The following STK4 variants were observed in gnomAD, a reference collection of about 807,000 sequenced individuals.
STK4 encodes the protein serine/threonine kinase 4.
STK4 carries 30 observed loss-of-function variants against 64.9 expected under a neutral mutation model. That is an observed-to-expected ratio of 0.46 (90% CI 0.35 to 0.63). The LOEUF is 0.63. STK4 is among the 20% of genes least tolerant of loss of function. The probability of loss-of-function intolerance (pLI) is 0.01; values close to 1 mark genes in which losing one functional copy is unlikely to be tolerated. For missense variants in STK4, 466 were observed against 598.5 expected (o/e 0.78, Z 2.31); for synonymous variants, 177 against 199.0 (o/e 0.89, Z 0.93).
rs142205847 is a variant in STK4, at chr20:45,032,348, G to A, written c.1305+7218G>A. Among the ~76,000 whole-genome samples, 461 of 152,218 alleles carry A rather than the reference G, an allele frequency of 3.0e-3. 2 individuals are homozygous for A. The highest frequency in any genetic ancestry group is 0.011 in the African/African-American group (439 of 41,510). On this transcript the variant is annotated intron_variant, in intron 10 of 10. Transcript: ENST00000372806. ...GTGAATTGTGTGTCATGGGGGTTTG[G>A]TGTACAGATTATTTCATCACACAGG...
At chr20:45,061,017 A>G (rs376377656) in intron 10 of STK4, among the ~76,000 whole-genome samples, 1 of 152,318 alleles carries the variant, frequency 6.6e-6, no homozygotes, top group East Asian at 1.9e-4. Flanking sequence ...GGGGATAGGA[A>G]AGTTTCTGAT....
intron 10 of STK4, among the ~76,000 whole-genome samples, chr20:45,074,561 A>T (rs1352224223): frequency 6.6e-6 from 1 of 152,108 alleles, no homozygotes; most frequent in African/African-American, 2.4e-5. Context: ...CCTCATCAGC[A>T]TCGATCCTCC....
intron 9 of STK4, among the ~76,000 whole-genome samples, chr20:45,003,110 C>T (rs1179406756): frequency 6.6e-6 from 1 of 152,092 alleles, no homozygotes; most frequent in Non-Finnish European, 1.5e-5. Flanking sequence ...TGGGCTCAAA[C>T]TATCCTCCCA....
intron 10 of STK4, among the ~76,000 whole-genome samples, chr20:45,061,236 T>C (rs1270230146): frequency 1.3e-5 from 2 of 152,224 alleles, no homozygotes; most frequent in Admixed American, 1.3e-4. Flanking sequence ...TGCAAAATAC[T>C]ACTTTAAGAA....
At chr20:44,994,372 T>C (rs1299284545) in intron 5 of STK4, among the ~76,000 whole-genome samples, 1 of 151,844 alleles carries the variant, frequency 6.6e-6, no homozygotes, top group African/African-American at 2.4e-5. Context: ...ATCATCATTA[T>C]TATATATATT....
chr20:45,024,438 C>T (rs1199289438), intron 9 of STK4, among the ~76,000 whole-genome samples: 1 of 151,752 alleles, frequency 6.6e-6, no homozygotes, highest in Non-Finnish European at 1.5e-5. Flanking sequence ...CCTAATATTT[C>T]ATAGAGTGGA....
chr20:44,977,794 C>T (rs1476158985), intron 2 of STK4, among the ~76,000 whole-genome samples: 2 of 151,914 alleles, frequency 1.3e-5, no homozygotes, highest in African/African-American at 4.8e-5. Context: ...CTGTGTTTAC[C>T]TGATACTAAT....
rs1331744364 is a variant in STK4, at chr20:45,078,050, C to G, written c.*2874C>G. 1 of 152,140 alleles carries G rather than the reference C, an allele frequency of 6.6e-6. No homozygotes were observed. The highest frequency in any genetic ancestry group is 1.5e-5 in the Non-Finnish European group (1 of 68,038). The allele number at this position is 152,140 out of a possible 1,614,324, so 9.4% of individuals were successfully genotyped here. A position where few individuals can be genotyped will look rare whatever the true frequency, so the allele number is the denominator to read the frequency against. On this transcript the variant is annotated 3_prime_UTR_variant, in exon 11 of 11. Transcript: ENST00000372806. ...GAATACTAAATTTAAGATATGTCAGCTTGCTTTCAATGAGCCTTGGGCTTC... is the reference window on the plus strand; with the variant it reads ...GAATACTAAATTTAAGATATGTCAGGTTGCTTTCAATGAGCCTTGGGCTTC...
chr20:45,024,517 A>T (rs892101504), intron 9 of STK4, among the ~76,000 whole-genome samples: 5 of 152,112 alleles, frequency 3.3e-5, no homozygotes, highest in African/African-American at 1.2e-4. Context: ...AGATTATGAG[A>T]TTATCAAAGA....
At chr20:45,039,240 C>T (rs938013871) in intron 10 of STK4, among the ~76,000 whole-genome samples, 25 of 151,942 alleles carry the variant, frequency 1.6e-4, no homozygotes, top group Non-Finnish European at 2.4e-4. Flanking sequence ...TGTAACATCA[C>T]GCATTGGGCA....
intron 6 of STK4, 29 bp from the exon 7 acceptor site, chr20:44,997,140 C>T: frequency 6.2e-7 from 1 of 1,611,786 alleles, no homozygotes; most frequent in Admixed American, 1.7e-5. Context: ...TTTACCAGAT[C>T]TTTTTGTTTG....
chr20:44,980,988 C>T (rs1470793299), intron 3 of STK4, among the ~76,000 whole-genome samples: 5 of 151,852 alleles, frequency 3.3e-5, no homozygotes, highest in Admixed American at 2.6e-4. Context: ...TTCTTAAACA[C>T]TGCTTGATAC....
chr20:45,067,737 A>G (rs930822001), intron 10 of STK4, among the ~76,000 whole-genome samples: 3 of 152,194 alleles, frequency 2.0e-5, no homozygotes, highest in African/African-American at 4.8e-5. Context: ...ACTTTGAAAA[A>G]TGGTATGATT....
At chr20:45,010,490 C>T (rs576659010) in intron 9 of STK4, among the ~76,000 whole-genome samples, 1 of 152,310 alleles carries the variant, frequency 6.6e-6, no homozygotes, top group Admixed American at 6.5e-5. Flanking sequence ...ATCCTTTAAG[C>T]ATTTCACATA....
chr20:45,029,602 C>T (rs998110512), intron 10 of STK4, among the ~76,000 whole-genome samples: 2 of 152,180 alleles, frequency 1.3e-5, no homozygotes, highest in African/African-American at 2.4e-5. Context: ...AAATAATAGT[C>T]TAGAACAGTG....
At chr20:44,966,771 G>C (rs370248276) in intron 1 of STK4, among the ~76,000 whole-genome samples, 168 bp downstream of exon 1, 1 of 152,318 alleles carries the variant, frequency 6.6e-6, no homozygotes, top group African/African-American at 2.4e-5. Flanking sequence ...TCCGGCTGAG[G>C]GGAGCATCTG....
intron 5 of STK4, among the ~76,000 whole-genome samples, chr20:44,990,700 G>A (rs946879395): frequency 2.0e-5 from 3 of 152,072 alleles, no homozygotes; most frequent in Admixed American, 2.0e-4. Context: ...ATAGTCTAGA[G>A]ATCCTCGGTT....
intron 10 of STK4, among the ~76,000 whole-genome samples, chr20:45,040,308 A>G (rs957528868): frequency 3.3e-5 from 5 of 152,018 alleles, no homozygotes; most frequent in Admixed American, 2.0e-4. Flanking sequence ...CAGAATATGC[A>G]CTTGATTTTT....
At chr20:45,042,037 G>A (rs938662343) in intron 10 of STK4, among the ~76,000 whole-genome samples, 1 of 152,174 alleles carries the variant, frequency 6.6e-6, no homozygotes, top group African/African-American at 2.4e-5. Flanking sequence ...TGTAACTTCA[G>A]TGTTGTTTAT....
Sources: allele counts gnomAD v4.1 joint callset (sites outside exome capture counted in the v4.1 genomes callset), GRCh38; gene constraint gnomAD v4.1.1; transcripts MANE v1.5; gene names NCBI Gene and HGNC (gene_info 2026-07-23, HGNC 2026-07-21).